SLC34A2: variants seen among roughly 807,000 people sequenced by gnomAD.
SLC34A2 encodes the protein sodium-dependent phosphate transport protein 2B.
Under a neutral mutation model 50.8 loss-of-function variants are expected in SLC34A2, and 41 were observed. That is an observed-to-expected ratio of 0.81 (90% CI 0.63 to 1.05). The LOEUF is 1.05. Ranked by LOEUF, SLC34A2 falls within the 50% of genes least tolerant of loss-of-function variation. The pLI, the probability that SLC34A2 is intolerant of heterozygous loss-of-function variation, is 0.00. For synonymous variants in SLC34A2, 401 were observed against 364.2 expected (o/e 1.10, Z -1.15); for missense variants, 879 against 876.7 (o/e 1.00, Z -0.03).
At chr4:25,663,013 C>T (rs1391477244) in intron 3 of SLC34A2, among the ~76,000 whole-genome samples, 171 bp downstream of exon 3, 1 of 151,818 alleles carries the variant, frequency 6.6e-6, no homozygotes, top group Non-Finnish European at 1.5e-5. Flanking sequence ...CTTGCTCTGT[C>T]ACCCAGGCTG....
Position 25,667,984 on chromosome 4 carries a change from T to C in SLC34A2, c.628T>C (p.Phe210Leu). The C allele has an allele frequency of 6.2e-7, 1 of 1,607,612 alleles. No homozygotes were observed. The highest frequency in any genetic ancestry group is 8.5e-7 in the Non-Finnish European group (1 of 1,174,358). The change falls in exon 6 of 13, where the codon TTC becomes CTC. Residue 210 changes from phenylalanine to leucine, a missense_variant. Transcript: ENST00000382051. Reference sequence around the variant, plus strand: ...CATGCAGGTGGGAGATCGGAGTGAGTTCAGAAGGTAAGAGGCTCAAAACCA... The same window carrying C: ...CATGCAGGTGGGAGATCGGAGTGAGCTCAGAAGGTAAGAGGCTCAAAACCA... ...ALMQVGDRSE[F>L]RRAFAGATVH...
At chr4:25,662,874 G>A (rs1315245757) in intron 3 of SLC34A2, 32 bp downstream of exon 3, 1 of 1,612,624 alleles carries the variant, frequency 6.2e-7, no homozygotes, top group South Asian at 1.1e-5. Flanking sequence ...ACATTCAGGA[G>A]GGAAACTTCC....
chr4:25,671,450 A>G (rs1288504953), intron 8 of SLC34A2, 151 bp from the exon 9 acceptor site: 2 of 902,084 alleles, frequency 2.2e-6, no homozygotes, highest in African/African-American at 3.3e-5. Context: ...AAGGTGAGAA[A>G]TAAGTCTTCA....
intron 6 of SLC34A2, 117 bp downstream of exon 6, chr4:25,668,108 C>G (rs1714600490): frequency 1.3e-6 from 1 of 742,434 alleles, no homozygotes; most frequent in Non-Finnish European, 2.4e-6. Context: ...CCTGGAGTTC[C>G]TAGAAGTAAC....
rs899899540 is a variant in SLC34A2 at position 25,666,254 on chromosome 4, G to T, written c.506G>T (p.Ser169Ile). Residue 169 changes from serine (S) to isoleucine (I), a missense_variant, in exon 5 of 13, where the codon AGC becomes ATC. Transcript: ENST00000382051. Reference sequence around the variant, plus strand: ...AGCACCTCAACGTCCATCGTTGTCAGCATGGTGTCCTCTTCATGTGAGTCG... The same window carrying T: ...AGCACCTCAACGTCCATCGTTGTCATCATGGTGTCCTCTTCATGTGAGTCG... ...SSSTSTSIVV[S>I]MVSSSLLTVR... The T allele has an allele frequency of 8.7e-6, 14 of 1,613,964 alleles. No homozygotes were observed. The highest frequency in any genetic ancestry group is 1.2e-5 in the Non-Finnish European group (14 of 1,180,010).
In SLC34A2 at chr4:25,669,747, C is replaced by T. The variant is rs1714714764; in HGVS notation, c.736C>T (p.Gln246Ter). Reference protein sequence around the residue: ...VATHYLEIITQLIVESFHFKN... With the variant: ...VATHYLEIIT ...CACCCATTACCTCGAGATCATAACC[C>T]AGCTTATAGTGGAGAGCTTCCACTT... Residue 246 changes from glutamine to a stop codon, truncating the protein, a stop_gained, in exon 7 of 13, where the codon CAG becomes TAG. Coordinates refer to ENST00000382051, the MANE Select transcript of SLC34A2 (RefSeq NM_006424.3). LOFTEE classifies it high-confidence loss of function. 4 of 1,614,126 alleles carry T rather than the reference C, an allele frequency of 2.5e-6. No individual in the cohort carries two copies. Among genetic ancestry groups the T allele is most frequent in the Non-Finnish European group, 3.4e-6 (4 of 1,180,006 alleles).
chr4:25,668,134 C>G (rs1158494170), intron 6 of SLC34A2, 143 bp downstream of exon 6: 4 of 707,420 alleles, frequency 5.7e-6, no homozygotes, highest in Non-Finnish European at 1.0e-5. Context: ...GGAGGTATGG[C>G]TAGGGTTGGA....
intron 12 of SLC34A2, among the ~76,000 whole-genome samples, chr4:25,674,942 A>G (rs1303651424): frequency 2.0e-5 from 3 of 152,204 alleles, no homozygotes; most frequent in Admixed American, 6.5e-5. Flanking sequence ...ACTGCCTCCT[A>G]TGGGGAACTT....
chr4:25,673,194 A>T lies in SLC34A2; in HGVS notation c.1156A>T (p.Ile386Phe), dbSNP rs1274419196. The T allele has an allele frequency of 1.9e-6, 3 of 1,613,874 alleles. No individual in the cohort carries two copies. Among genetic ancestry groups the T allele is most frequent in the Non-Finnish European group, 2.5e-6 (3 of 1,180,018 alleles). ...LCGCLIMIVK[I>F]LGSVLKGQVA... Reference sequence around the variant, plus strand: ...TGGTTGCCTGATCATGATTGTCAAGATCCTGGGCTCTGTGCTCAAGGGGCA... The same window carrying T: ...TGGTTGCCTGATCATGATTGTCAAGTTCCTGGGCTCTGTGCTCAAGGGGCA... Residue 386 changes from isoleucine to phenylalanine, a missense_variant, in exon 10 of 13, where the codon ATC becomes TTC. Ile to Phe is a conservative substitution (Grantham distance 21). Coordinates refer to ENST00000382051, the MANE Select transcript of SLC34A2 (RefSeq NM_006424.3).
At chr4:25,661,071 A>G (rs560886726) in intron 1 of SLC34A2, among the ~76,000 whole-genome samples, 1 of 152,346 alleles carries the variant, frequency 6.6e-6, no homozygotes, top group African/African-American at 2.4e-5. Context: ...AAGGCTGAAA[A>G]GAATGTGGTT....
chr4:25,662,679 C>T (rs1714267321), intron 2 of SLC34A2, 26 bp from the exon 3 acceptor site: 7 of 1,614,098 alleles, frequency 4.3e-6, no homozygotes, highest in Non-Finnish European at 5.9e-6. Flanking sequence ...GGTCTGATTC[C>T]TCATTACCCC....
intron 10 of SLC34A2, among the ~76,000 whole-genome samples, chr4:25,674,042 C>G (rs1451267885): frequency 6.6e-6 from 1 of 152,248 alleles, no homozygotes; most frequent in African/African-American, 2.4e-5. Context: ...GGTGGGTTCA[C>G]TCTTTCTAAC....
At chr4:25,675,233 A>G (rs1715050971) in intron 12 of SLC34A2, among the ~76,000 whole-genome samples, 2 of 152,084 alleles carry the variant, frequency 1.3e-5, no homozygotes, top group Non-Finnish European at 2.9e-5. Flanking sequence ...GGGTTTCCCT[A>G]TGTTGGCCAG....
At chr4:25,673,580 GA>G (rs769233194) in intron 10 of SLC34A2, among the ~76,000 whole-genome samples, 5 of 152,028 alleles carry the variant, frequency 3.3e-5, no homozygotes, top group Non-Finnish European at 7.4e-5. Flanking sequence ...TTAGAAAAAG[GA>G]CCCCAGGTGT....
In SLC34A2 at chr4:25,676,456, C is replaced by G. The variant is rs1022087472; in HGVS notation, c.1780C>G (p.Pro594Ala). Residue 594 changes from proline (P) to alanine (A), a missense_variant, in exon 13 of 13, where the codon CCG becomes GCG. Transcript: ENST00000382051. ...GAAACTCCAGAACTGGAACTTCCTG[C>G]CGCTGTGGATGCGCTCGCTGAAGCC... ...PKKLQNWNFL[P>A]LWMRSLKPWD... 3.1e-6 allele frequency: 5 copies of G among 1,614,238 alleles called. No individual in the cohort carries two copies. Among genetic ancestry groups the G allele is most frequent in the Non-Finnish European group, 8.5e-7 (1 of 1,180,046 alleles).
At chr4:25,663,507 GAA>G (rs1436498085) in intron 3 of SLC34A2, among the ~76,000 whole-genome samples, 2 of 152,178 alleles carry the variant, frequency 1.3e-5, no homozygotes, top group African/African-American at 4.8e-5. Context: ...TCTAGTAAAA[GAA>G]AATATGCAGC....
At chr4:25,662,660 G>A (rs745315793) in intron 2 of SLC34A2, 45 bp from the exon 3 acceptor site, 1 of 1,614,034 alleles carries the variant, frequency 6.2e-7, no homozygotes. Context: ...GAGGACCCCA[G>A]GAGACTCAGG....
chr4:25,674,188 A>T (rs1714975625), intron 10 of SLC34A2, 108 bp from the exon 11 acceptor site: 1 of 766,894 alleles, frequency 1.3e-6, no homozygotes, highest in Non-Finnish European at 2.4e-6. Context: ...ATCTGAGACC[A>T]TATATGGGAT....
At position 25,657,098 on chromosome 4, in the gene SLC34A2, T is replaced by C. The variant is rs185109870; in HGVS notation, c.-4+1208T>C. Among the ~76,000 whole-genome samples the C allele has an allele frequency of 2.0e-4, 31 of 152,300 alleles. No individual in the cohort carries two copies. The East Asian group carries it at 3.3e-3, about 16-fold the overall frequency. Reference sequence around the variant, plus strand: ...AATGGGTGATAAGAAAGGCGTGCTTTGTAAAAGGTTTGGATGCTAAACAAA... The same window carrying C: ...AATGGGTGATAAGAAAGGCGTGCTTCGTAAAAGGTTTGGATGCTAAACAAA... On this transcript the variant is annotated intron_variant, in intron 1 of 12. Coordinates refer to ENST00000382051, the MANE Select transcript of SLC34A2 (RefSeq NM_006424.3).
Sources: allele counts gnomAD v4.1 joint callset (sites outside exome capture counted in the v4.1 genomes callset), GRCh38; gene constraint gnomAD v4.1.1; transcripts MANE v1.5; gene names NCBI Gene and HGNC (gene_info 2026-07-23, HGNC 2026-07-21).